The following NME7 variants were observed in gnomAD, a reference collection of about 807,000 sequenced individuals.
NME7 encodes nucleoside diphosphate kinase 7.
NME7 carries 41 observed loss-of-function variants against 49.1 expected under a neutral mutation model. The observed-to-expected ratio is 0.83, with a 90% CI of 0.65 to 1.08. NME7 has a LOEUF of 1.08. Among genes scored for constraint, NME7 ranks in the 50% least tolerant of loss-of-function variants. The probability of loss-of-function intolerance (pLI) is 0.00; values close to 1 mark genes in which losing one functional copy is unlikely to be tolerated. For missense variants in NME7, 423 were observed against 463.4 expected (o/e 0.91, Z 0.80); for synonymous variants, 139 against 150.6 (o/e 0.92, Z 0.56).
At chr1:169,325,478 T>C (rs1384164307) in intron 1 of NME7, among the ~76,000 whole-genome samples, 1 of 151,684 alleles carries the variant, frequency 6.6e-6, no homozygotes, top group Non-Finnish European at 1.5e-5. Flanking sequence ...GAGCAAAAAA[T>C]GAAAAAAATA....
intron 7 of NME7, among the ~76,000 whole-genome samples, chr1:169,244,529 G>A (rs1233197592): frequency 2.0e-5 from 3 of 151,496 alleles, no homozygotes; most frequent in East Asian, 3.9e-4. Context: ...CCAGCTACTC[G>A]GGAGGCTGAG....
At chr1:169,336,250 T>A (rs1484464957) in intron 1 of NME7, among the ~76,000 whole-genome samples, 2 of 152,130 alleles carry the variant, frequency 1.3e-5, no homozygotes, top group African/African-American at 4.8e-5. Context: ...TTACAGCTCA[T>A]AAAAGCAGCA....
At position 169,265,448 on chromosome 1, in the gene NME7, C is replaced by T. The variant is rs1192605415; in HGVS notation, c.754+21855G>A. On this transcript the variant is annotated intron_variant, in intron 7 of 11. Transcript: ENST00000367811. ...TTTGAAATGAATGAGAACAAAGACA[C>T]AACAAATCAGTATTTCTGGGACACA... 1.5e-5 allele frequency among the ~76,000 whole-genome samples: 2 copies of T among 133,200 alleles called. 1 individual carries two copies. The highest frequency in any genetic ancestry group is 3.5e-5 in the Non-Finnish European group (2 of 56,852). The allele number at this position is 133,200 out of a possible 152,430, so 87.4% of individuals were successfully genotyped here.
intron 11 of NME7, among the ~76,000 whole-genome samples, chr1:169,161,319 CT>C (rs1659235603): frequency 6.6e-6 from 1 of 152,128 alleles, no homozygotes; most frequent in South Asian, 2.1e-4. Context: ...CAATGTACTA[CT>C]AAAAATCACA....
chr1:169,269,536 C>G (rs924888311), intron 7 of NME7, among the ~76,000 whole-genome samples: 1 of 133,706 alleles, frequency 7.5e-6, no homozygotes, highest in Non-Finnish European at 1.8e-5. Flanking sequence ...AAAAGCTGAG[C>G]ACTTAACTGA....
chr1:169,246,941 C>T (rs979614466), intron 7 of NME7: 6 of 435,350 alleles, frequency 1.4e-5, no homozygotes, highest in Admixed American at 1.3e-4. Context: ...TGAAATTCAT[C>T]AAGATGCAAT....
chr1:169,331,406 C>A (rs756954558), intron 1 of NME7, among the ~76,000 whole-genome samples: 18 of 152,262 alleles, frequency 1.2e-4, no homozygotes, highest in Admixed American at 2.6e-4. Flanking sequence ...CCTCTGAGAT[C>A]TGAAACATGA....
rs1649152622 is a variant in NME7, at chr1:169,261,213, A to G, written c.755-23526T>C. Among the ~76,000 whole-genome samples the G allele has an allele frequency of 2.2e-5, 3 of 134,524 alleles. 1 individual carries two copies. The South Asian group carries it at 6.8e-4, about 30-fold the overall frequency. 88.3% of individuals were successfully genotyped at this position (134,524 alleles called of 152,430 possible). ...ATAATTAAGCTTATAAGTGATATTTATTGTTTGTGGTATTTATAGTTCTGA... is the reference window on the plus strand; with the variant it reads ...ATAATTAAGCTTATAAGTGATATTTGTTGTTTGTGGTATTTATAGTTCTGA... On this transcript the variant is annotated intron_variant, in intron 7 of 11. Coordinates refer to ENST00000367811, the MANE Select transcript of NME7 (RefSeq NM_013330.5).
At chr1:169,198,883 C>T (rs985978927) in intron 10 of NME7, among the ~76,000 whole-genome samples, 6 of 152,014 alleles carry the variant, frequency 3.9e-5, no homozygotes, top group African/African-American at 1.4e-4. Context: ...CATGTATAGA[C>T]CTTGCTCAAT....
intron 1 of NME7, among the ~76,000 whole-genome samples, chr1:169,365,053 T>C (rs1653801538): frequency 6.6e-6 from 1 of 152,228 alleles, no homozygotes; most frequent in Non-Finnish European, 1.5e-5. Flanking sequence ...TCCAGGCTTC[T>C]GCATTCTGGC....
intron 3 of NME7, among the ~76,000 whole-genome samples, chr1:169,320,818 A>G (rs891265155): frequency 6.6e-6 from 1 of 152,180 alleles, no homozygotes; most frequent in Admixed American, 6.5e-5. Context: ...TTGTTTTTAC[A>G]TTAAAATAGA....
intron 9 of NME7, among the ~76,000 whole-genome samples, chr1:169,231,051 C>T (rs544882443): frequency 1.1e-4 from 17 of 152,118 alleles, no homozygotes; most frequent in South Asian, 6.2e-4. Flanking sequence ...CTTTATCATC[C>T]GACACTTTCA....
At chr1:169,161,736 C>A (rs903289843) in intron 11 of NME7, among the ~76,000 whole-genome samples, 1 of 152,178 alleles carries the variant, frequency 6.6e-6, no homozygotes, top group Non-Finnish European at 1.5e-5. Context: ...CAAGAACTAA[C>A]CCCTTCCTGG....
intron 1 of NME7, among the ~76,000 whole-genome samples, chr1:169,367,441 T>C (rs1032312632): frequency 6.6e-6 from 1 of 152,172 alleles, no homozygotes; most frequent in East Asian, 1.9e-4. Context: ...ATAATGTTTG[T>C]TCAAAACAGG....
intron 10 of NME7, among the ~76,000 whole-genome samples, chr1:169,187,673 C>T (rs184966012): frequency 1.3e-5 from 2 of 152,258 alleles, no homozygotes; most frequent in South Asian, 2.1e-4. Context: ...CTCCTGAATA[C>T]AGCACACTGA....
chr1:169,240,158 C>A (rs1221396783), intron 7 of NME7, among the ~76,000 whole-genome samples: 1 of 141,498 alleles, frequency 7.1e-6, no homozygotes, highest in Non-Finnish European at 1.6e-5. Flanking sequence ...TGAGTTAAAA[C>A]AAAATTTTAA....
At chr1:169,307,998 C>G (rs1480174964) in intron 4 of NME7, among the ~76,000 whole-genome samples, 1 of 139,474 alleles carries the variant, frequency 7.2e-6, no homozygotes, top group African/African-American at 2.7e-5. Flanking sequence ...CCAGCCTGGG[C>G]AACAGAGCAA....
chr1:169,211,950 T>C (rs1660833502), intron 10 of NME7, among the ~76,000 whole-genome samples: 1 of 152,276 alleles, frequency 6.6e-6, no homozygotes, highest in Non-Finnish European at 1.5e-5. Context: ...TAATGTCAAC[T>C]GCTGTTTGTT....
chr1:169,249,921 T>C (rs1253346563), intron 7 of NME7, among the ~76,000 whole-genome samples: 2 of 152,178 alleles, frequency 1.3e-5, no homozygotes, highest in Admixed American at 6.5e-5. Flanking sequence ...TCAGGGGTAT[T>C]GGTCTGTAGT....
Sources: allele counts gnomAD v4.1 joint callset (sites outside exome capture counted in the v4.1 genomes callset), GRCh38; gene constraint gnomAD v4.1.1; transcripts MANE v1.5; gene names NCBI Gene and HGNC (gene_info 2026-07-23, HGNC 2026-07-21).